Variants in RHBDF2 observed in about 807,000 individuals in gnomAD.
The protein encoded by RHBDF2 is inactive rhomboid protein 2.
A neutral mutation model predicts 95.2 loss-of-function variants in RHBDF2; 38 were observed. That is an observed-to-expected ratio of 0.40 (90% CI 0.31 to 0.52). The LOEUF (loss-of-function observed/expected upper bound fraction) is 0.52. RHBDF2 is among the 20% of genes least tolerant of loss of function. The pLI is 0.56. For synonymous variants in RHBDF2, 442 were observed against 462.0 expected (o/e 0.96, Z 0.55); for missense variants, 863 against 1,137.7 (o/e 0.76, Z 3.47).
intron 1 of RHBDF2, among the ~76,000 whole-genome samples, chr17:76,497,189 C>A (rs865977399): frequency 6.6e-6 from 1 of 152,154 alleles, no homozygotes. Context: ...GGGTTGGCGG[C>A]CACACGGGGG....
chr17:76,487,452 T>C (rs1005686404), intron 2 of RHBDF2: 1 of 152,238 alleles, frequency 6.6e-6, no homozygotes, highest in African/African-American at 2.4e-5. Flanking sequence ...GGTTTTGCCA[T>C]GTTGGCCAGG....
chr17:76,486,072 A>G (rs2074117377), intron 2 of RHBDF2, among the ~76,000 whole-genome samples: 1 of 113,012 alleles, frequency 8.8e-6, no homozygotes, highest in South Asian at 2.7e-4. Context: ...ATATGTATAT[A>G]TATGTACACA....
intron 3 of RHBDF2, 149 bp from the exon 4 acceptor site, chr17:76,480,003 T>C: frequency 1.3e-6 from 1 of 772,866 alleles, no homozygotes; most frequent in Non-Finnish European, 1.9e-6. Context: ...AATATATATA[T>C]ATAATGTGTG....
intron 18 of RHBDF2, among the ~76,000 whole-genome samples, chr17:76,472,335 C>T (rs550116942): frequency 1.3e-4 from 20 of 152,288 alleles, no homozygotes; most frequent in South Asian, 6.2e-4. Context: ...GGGGAGAGGA[C>T]GGACACTGAA....
At chr17:76,487,016 T>TGGCACGATCTGAGCTCACTGCAGC (rs1373291456) in intron 2 of RHBDF2, among the ~76,000 whole-genome samples, 1 of 138,034 alleles carries the variant, frequency 7.2e-6, no homozygotes, top group Admixed American at 8.3e-5. Flanking sequence ...TGGAGTGCAG[T>TGGCACGATCTGAGCTCACTGCAGC]GGCACGATCT....
intron 2 of RHBDF2, among the ~76,000 whole-genome samples, chr17:76,482,284 C>A (rs981869276): frequency 6.6e-6 from 1 of 151,502 alleles, no homozygotes; most frequent in African/African-American, 2.4e-5. Flanking sequence ...GATGAGAAAC[C>A]TACTGTGCTG....
At chr17:76,483,103 A>G (rs992137357) in intron 2 of RHBDF2, among the ~76,000 whole-genome samples, 3 of 151,986 alleles carry the variant, frequency 2.0e-5, no homozygotes, top group Non-Finnish European at 4.4e-5. Context: ...CGAGAGGAAG[A>G]GATTGCTGTG....
At chr17:76,489,367 A>G (rs1012114708) in intron 1 of RHBDF2, among the ~76,000 whole-genome samples, 28 of 132,068 alleles carry the variant, frequency 2.1e-4, no homozygotes, top group Middle Eastern at 5.8e-3. Context: ...TCTGTAGCCC[A>G]GGCTGGAGTG....
chr17:76,477,200 G>T lies in RHBDF2; in HGVS notation c.900C>A (p.Pro300=). The T allele has an allele frequency of 6.2e-7, 1 of 1,610,412 alleles. No homozygotes were observed. Among genetic ancestry groups the T allele is most frequent in the Non-Finnish European group, 8.5e-7 (1 of 1,178,858 alleles). The change falls in exon 8 of 19, where the codon CCC becomes CCA. Residue 300 remains proline (P), a synonymous_variant. Coordinates refer to ENST00000675367, the MANE Select transcript of RHBDF2 (RefSeq NM_001005498.4). ...GIPHSASPVS[P]DGVQIPLKEY... is the part of the protein sequence containing the mutation. ...CTCACAGAGGGATTTGCACCCCATC[G>T]GGGGAGACAGGGGAGGCTGAGTGTG...
intron 2 of RHBDF2, among the ~76,000 whole-genome samples, chr17:76,482,202 T>C (rs2073992573): frequency 6.6e-6 from 1 of 151,632 alleles, no homozygotes; most frequent in Admixed American, 6.6e-5. Context: ...GAAAAGAGCA[T>C]GAAGATGCAG....
intron 1 of RHBDF2, among the ~76,000 whole-genome samples, chr17:76,490,589 G>A (rs2074270889): frequency 6.6e-6 from 1 of 152,168 alleles, no homozygotes; most frequent in African/African-American, 2.4e-5. Flanking sequence ...AGTGGAAGCA[G>A]CTGGGTGCAA....
At chr17:76,480,392 A>G (rs2073929516) in intron 3 of RHBDF2, among the ~76,000 whole-genome samples, 1 of 149,424 alleles carries the variant, frequency 6.7e-6, no homozygotes, top group Non-Finnish European at 1.5e-5. Flanking sequence ...CGGCCTATAT[A>G]TATATTTTTT....
chr17:76,486,523 A>G (rs1251871749), intron 2 of RHBDF2, among the ~76,000 whole-genome samples: 1 of 152,130 alleles, frequency 6.6e-6, no homozygotes, highest in Non-Finnish European at 1.5e-5. Context: ...GACCAGCCTG[A>G]GCAACATAGT....
chr17:76,494,470 G>A lies in RHBDF2; in HGVS notation c.-219-6561C>T, dbSNP rs533498020. ...CTGGATTTCAAAAGCTGCTGGTGGA[G>A]GCTGGGCACAGTGGCTCACACCTGT... is the stretch of plus-strand genomic sequence containing the variant. On this transcript the variant is annotated intron_variant, in intron 1 of 18. Transcript: ENST00000675367. Among the ~76,000 whole-genome samples the A allele has an allele frequency of 3.3e-5, 5 of 152,348 alleles. No homozygotes were observed. In the South Asian group the frequency reaches 1.0e-3, roughly 32 times the overall value.
chr17:76,472,652 TG>T (rs1567871475), intron 18 of RHBDF2, 33 bp downstream of exon 18: 2 of 1,613,404 alleles, frequency 1.2e-6, no homozygotes, highest in African/African-American at 2.7e-5. Flanking sequence ...TGGCCCCCTA[TG>T]TGCGGAAGGG....
chr17:76,477,643 C>T lies in RHBDF2; in HGVS notation c.801+14G>A. 6.2e-7 allele frequency: 1 copy of T among 1,613,652 alleles called. No homozygotes were observed. Among genetic ancestry groups the T allele is most frequent in the Non-Finnish European group, 8.5e-7 (1 of 1,179,708 alleles). On this transcript the variant is annotated intron_variant, in intron 7 of 18. Transcript: ENST00000675367. ...ACCCCACCCAACTCCTGCTGTCCCA[C>T]ACCCCATGCTTGCCTTACTAAAAAA...
At chr17:76,496,313 C>T (rs572684481) in intron 1 of RHBDF2, among the ~76,000 whole-genome samples, 6 of 152,346 alleles carry the variant, frequency 3.9e-5, no homozygotes, top group East Asian at 1.9e-4. Flanking sequence ...GATCTCTATT[C>T]GACAGGTGGG....
chr17:76,499,477 G>A (rs913540942), intron 1 of RHBDF2, among the ~76,000 whole-genome samples: 1 of 152,172 alleles, frequency 6.6e-6, no homozygotes, highest in African/African-American at 2.4e-5. Context: ...GTGCTTTGAT[G>A]TCTCCCATCT....
chr17:76,476,782 AT>A, intron 9 of RHBDF2, 47 bp downstream of exon 9: 2 of 1,528,502 alleles, frequency 1.3e-6, no homozygotes, highest in Non-Finnish European at 8.8e-7. Flanking sequence ...GCCCAGAGGA[AT>A]TTGGAACCTT....
Sources: allele counts gnomAD v4.1 joint callset (sites outside exome capture counted in the v4.1 genomes callset), GRCh38; gene constraint gnomAD v4.1.1; transcripts MANE v1.5; gene names NCBI Gene and HGNC (gene_info 2026-07-23, HGNC 2026-07-21).